The following HEPACAM2 variants were observed in gnomAD, a reference collection of about 807,000 sequenced individuals.
HEPACAM2 encodes the protein mitotic kinetics regulator.
Under a neutral mutation model 49.6 loss-of-function variants are expected in HEPACAM2, and 49 were observed. That is an observed-to-expected ratio of 0.99 (90% confidence interval 0.78 to 1.25). The LOEUF (loss-of-function observed/expected upper bound fraction) is 1.25, where lower values mean the gene tolerates loss of function less well. Among genes scored for constraint, HEPACAM2 ranks in the 50% most tolerant of loss-of-function variants. The pLI is 0.00. For missense variants in HEPACAM2, 525 were observed against 557.2 expected (o/e 0.94, Z 0.58); for synonymous variants, 197 against 202.9 (o/e 0.97, Z 0.25).
intron 3 of HEPACAM2, among the ~76,000 whole-genome samples, chr7:93,214,163 A>C (rs1794246275): frequency 6.6e-6 from 1 of 152,168 alleles, no homozygotes; most frequent in Non-Finnish European, 1.5e-5. Context: ...TTTAGCACAA[A>C]CAAGACCCTG....
Position 93,189,188 on chromosome 7 carries a change from T to A in HEPACAM2, c.*79A>T. ...TCTTGGTTTCTTCACTGATTCCAGA[T>A]TAATATACTTTTCCACTGTTTTTCC... On this transcript the variant is annotated 3_prime_UTR_variant, in exon 10 of 10. Transcript: ENST00000394468. 8.0e-7 allele frequency: 1 copy of A among 1,243,806 alleles called. No homozygotes were observed. The highest frequency in any genetic ancestry group is 1.5e-5 in the African/African-American group (1 of 67,090). The allele number at this position is 1,243,806 out of a possible 1,614,324, so 77.0% of individuals were successfully genotyped here.
At chr7:93,228,377 T>C (rs534413178), upstream of HEPACAM2, among the ~76,000 whole-genome samples, 166 of 152,300 alleles carry the variant, frequency 1.1e-3, 1 homozygote, top group African/African-American at 3.8e-3. Flanking sequence ...TGAAATATAA[T>C]ACGGCACATC....
At chr7:93,210,238 C>T (rs1451684331) in intron 3 of HEPACAM2, among the ~76,000 whole-genome samples, 1 of 151,806 alleles carries the variant, frequency 6.6e-6, no homozygotes, top group Non-Finnish European at 1.5e-5. Context: ...TGGATATCTG[C>T]CATGAGAAGG....
intron 9 of HEPACAM2, among the ~76,000 whole-genome samples, chr7:93,191,898 A>G (rs949681294): frequency 6.6e-6 from 1 of 152,104 alleles, no homozygotes; most frequent in Non-Finnish European, 1.5e-5. Context: ...TAGCCACTGG[A>G]AAATCACTAA....
chr7:93,197,343 C>T, intron 6 of HEPACAM2, 30 bp downstream of exon 6: 2 of 1,601,794 alleles, frequency 1.2e-6, no homozygotes, highest in Non-Finnish European at 1.7e-6. Flanking sequence ...CTAAGGAAAA[C>T]AACTATTTTC....
At chr7:93,217,127 A>C (rs1479749578) in intron 2 of HEPACAM2, among the ~76,000 whole-genome samples, 3 of 152,188 alleles carry the variant, frequency 2.0e-5, no homozygotes, top group African/African-American at 7.2e-5. Flanking sequence ...GAAAGGCTTT[A>C]TGTTTATGAT....
chr7:93,207,196 T>C (rs1794050279), intron 4 of HEPACAM2, among the ~76,000 whole-genome samples: 1 of 152,148 alleles, frequency 6.6e-6, no homozygotes, highest in African/African-American at 2.4e-5. Flanking sequence ...CTCTGTATTA[T>C]GGGTCTTTTT....
At position 93,202,230 on chromosome 7, in the gene HEPACAM2, G is replaced by C. The variant is rs542169198; in HGVS notation, c.1013-4620C>G. ...ACAATAAAATAAAAACTAGCTAAGGGAATTTTCAGATAATGCACAATTAAA... is the reference window on the plus strand; with the variant it reads ...ACAATAAAATAAAAACTAGCTAAGGCAATTTTCAGATAATGCACAATTAAA... On this transcript the variant is annotated intron_variant, in intron 4 of 9. Coordinates refer to ENST00000394468, the MANE Select transcript of HEPACAM2 (RefSeq NM_001039372.4). 4.7e-5 allele frequency among the ~76,000 whole-genome samples: 7 copies of C among 150,284 alleles called. No individual in the cohort carries two copies. The South Asian group carries it at 1.5e-3, about 31-fold the overall frequency.
intron 3 of HEPACAM2, among the ~76,000 whole-genome samples, chr7:93,214,692 A>G (rs1234896621): frequency 1.3e-5 from 2 of 152,174 alleles, no homozygotes; most frequent in Non-Finnish European, 2.9e-5. Context: ...TCCCATTTTT[A>G]TATTTTCCAC....
At chr7:93,229,878 T>A (rs1008911089), upstream of HEPACAM2, among the ~76,000 whole-genome samples, 3 of 152,202 alleles carry the variant, frequency 2.0e-5, no homozygotes, top group African/African-American at 7.2e-5. Context: ...CGTAGACAGA[T>A]AGAAATGAAT....
intron 1 of HEPACAM2, among the ~76,000 whole-genome samples, chr7:93,224,488 GAA>G (rs2116730456): frequency 6.6e-6 from 1 of 152,146 alleles, no homozygotes; most frequent in African/African-American, 2.4e-5. Flanking sequence ...CAAATCTGGA[GAA>G]ACATTTATAA....
At chr7:93,204,661 A>G (rs1793984732) in intron 4 of HEPACAM2, among the ~76,000 whole-genome samples, 1 of 152,146 alleles carries the variant, frequency 6.6e-6, no homozygotes, top group Admixed American at 6.6e-5. Flanking sequence ...ATTAAATTAG[A>G]TAGGTGATGA....
At chr7:93,226,588 A>G, upstream of HEPACAM2, 1 of 617,936 alleles carries the variant, frequency 1.6e-6, no homozygotes, top group Non-Finnish European at 2.9e-6. Context: ...TATACAAAGG[A>G]CACAGGGAGT....
chr7:93,209,254 T>G (rs756570937), intron 3 of HEPACAM2, among the ~76,000 whole-genome samples: 2 of 152,022 alleles, frequency 1.3e-5, no homozygotes, highest in African/African-American at 4.8e-5. Context: ...TGTGACTAGC[T>G]TATTTTTATA....
chr7:93,219,705 A>T (rs1794407340), intron 1 of HEPACAM2: 5 of 535,968 alleles, frequency 9.3e-6, no homozygotes, highest in Non-Finnish European at 1.6e-5. Context: ...ATTTTCTACG[A>T]TTGCTACGGA....
intron 4 of HEPACAM2, among the ~76,000 whole-genome samples, chr7:93,200,407 T>A (rs1323995745): frequency 1.3e-5 from 2 of 152,166 alleles, no homozygotes; most frequent in African/African-American, 4.8e-5. Flanking sequence ...AACCATTGGC[T>A]AATTGATATA....
chr7:93,195,029 T>C (rs1793654859), intron 8 of HEPACAM2, among the ~76,000 whole-genome samples: 1 of 150,880 alleles, frequency 6.6e-6, no homozygotes, highest in South Asian at 2.1e-4. Context: ...TTGCATACTT[T>C]GGGCCTATAT....
chr7:93,229,087 G>A (rs79170510), upstream of HEPACAM2, among the ~76,000 whole-genome samples: 1,862 of 152,292 alleles, frequency 0.012, 35 homozygotes, highest in African/African-American at 0.043. Context: ...AAACAATTAA[G>A]GAGAGGTGGT....
intron 2 of HEPACAM2, among the ~76,000 whole-genome samples, chr7:93,216,488 A>G (rs1255495925): frequency 3.9e-5 from 6 of 152,238 alleles, no homozygotes; most frequent in African/African-American, 1.4e-4. Flanking sequence ...GTCAAAGCAA[A>G]TTTCCAAAAA....
Sources: allele counts gnomAD v4.1 joint callset (sites outside exome capture counted in the v4.1 genomes callset), GRCh38; gene constraint gnomAD v4.1.1; transcripts MANE v1.5; gene names NCBI Gene and HGNC (gene_info 2026-07-23, HGNC 2026-07-21).